RALGPS1: variants seen among roughly 807,000 people sequenced by gnomAD.
RALGPS1 encodes the protein ras-specific guanine nucleotide-releasing factor RalGPS1.
RALGPS1 carries 19 observed loss-of-function variants against 78.8 expected under a neutral mutation model. The ratio of observed to expected loss-of-function variants is 0.24; its 90% CI spans 0.17 to 0.35. RALGPS1 has a LOEUF of 0.35. Among genes scored for constraint, RALGPS1 ranks in the 10% least tolerant of loss-of-function variants. The pLI, the probability that RALGPS1 is intolerant of heterozygous loss-of-function variation, is 1.00. For synonymous variants in RALGPS1, 228 were observed against 256.3 expected (o/e 0.89, Z 1.06); for missense variants, 454 against 688.3 (o/e 0.66, Z 3.81).
chr9:127,040,697 C>T (rs1020710228), intron 5 of RALGPS1, among the ~76,000 whole-genome samples: 1 of 152,024 alleles, frequency 6.6e-6, no homozygotes, highest in Non-Finnish European at 1.5e-5. Flanking sequence ...AGGCCAGGGT[C>T]ATTTGCAGTG....
chr9:127,163,633 T>C (rs1395593761), intron 8 of RALGPS1, among the ~76,000 whole-genome samples: 1 of 152,220 alleles, frequency 6.6e-6, no homozygotes, highest in East Asian at 1.9e-4. Flanking sequence ...GTGTGTACCC[T>C]GGAGGAGGCA....
At position 127,212,889 on chromosome 9, in the gene RALGPS1, T is replaced by C; in HGVS notation, c.1447-55T>C. On this transcript the variant is annotated intron_variant, in intron 16 of 18. Coordinates refer to ENST00000259351, the MANE Select transcript of RALGPS1 (RefSeq NM_014636.3). The surrounding 1 kb of genome is among the most constrained non-coding windows in gnomAD (Gnocchi z 6.0). ...CTTGCCTGGCCCACGTCGGCCTCCC[T>C]TGTGGAGTGGAGGGCTGGGCCCCGG... The C allele has an allele frequency of 6.2e-7, 1 of 1,612,310 alleles. No homozygotes were observed. The highest frequency in any genetic ancestry group is 8.5e-7 in the Non-Finnish European group (1 of 1,179,064).
At chr9:127,078,693 G>A (rs986185054) in intron 8 of RALGPS1, among the ~76,000 whole-genome samples, 2 of 152,188 alleles carry the variant, frequency 1.3e-5, no homozygotes, top group Non-Finnish European at 2.9e-5. Flanking sequence ...TTTTCTCTGG[G>A]TCAAGAAGTT....
At chr9:127,214,631 G>T in intron 17 of RALGPS1, 120 bp from the exon 18 acceptor site, 1 of 1,446,114 alleles carries the variant, frequency 6.9e-7, no homozygotes. Flanking sequence ...GCATGTTCCA[G>T]CTCACCTGGG....
Position 127,183,987 on chromosome 9 carries a change from C to G in RALGPS1, c.910+9205C>G. ...TCCTCACGAGTACCAGCGGCTCCCC[C>G]AGCATCTGCTGCTCCGCGCTCCCCG... On this transcript the variant is annotated intron_variant, in intron 11 of 18. Transcript: ENST00000259351. This position sits in a 1 kb window ranked among gnomAD's most constrained non-coding sequence, Gnocchi z 4.0. 1.3e-6 allele frequency: 2 copies of G among 1,550,344 alleles called. No individual in the cohort carries two copies. The highest frequency in any genetic ancestry group is 2.4e-5 in the East Asian group (1 of 40,882).
intron 3 of RALGPS1, among the ~76,000 whole-genome samples, chr9:126,966,378 C>T (rs945613933): frequency 6.6e-6 from 1 of 151,972 alleles, no homozygotes; most frequent in Non-Finnish European, 1.5e-5. Context: ...AAAAAATTAG[C>T]CAGGTGTGGT....
intron 7 of RALGPS1, among the ~76,000 whole-genome samples, chr9:127,054,996 TGAGAGAGA>T (rs10555826): frequency 0.011 from 1,539 of 139,190 alleles, 12 homozygotes; most frequent in South Asian, 0.025. Flanking sequence ...AGAGATTGAT[TGAGAGAGA>T]GAGAGAGAGA....
At chr9:126,967,751 T>G (rs1564328857) in intron 3 of RALGPS1, among the ~76,000 whole-genome samples, 2 of 152,016 alleles carry the variant, frequency 1.3e-5, no homozygotes, top group Non-Finnish European at 2.9e-5. Flanking sequence ...TTGCTGTGGC[T>G]GGTCTCCAAT....
intron 11 of RALGPS1, among the ~76,000 whole-genome samples, chr9:127,191,008 A>G (rs1199943852): frequency 1.3e-5 from 2 of 151,986 alleles, no homozygotes; most frequent in Non-Finnish European, 2.9e-5. Context: ...GTCTTTCCTT[A>G]TTGTTACTGG....
At chr9:127,195,037 C>G in intron 11 of RALGPS1, 54 bp from the exon 12 acceptor site, 1 of 1,598,838 alleles carries the variant, frequency 6.3e-7, no homozygotes. Context: ...GCCTGTGCAG[C>G]CCCTCACCCT....
chr9:127,191,775 G>A (rs1339437197), intron 11 of RALGPS1, among the ~76,000 whole-genome samples: 1 of 141,694 alleles, frequency 7.1e-6, no homozygotes, highest in African/African-American at 2.6e-5. Context: ...TCGGCTCACT[G>A]CAAGCTCTGC....
chr9:127,180,703 C>T (rs1327132163), intron 11 of RALGPS1, among the ~76,000 whole-genome samples: 1 of 152,218 alleles, frequency 6.6e-6, no homozygotes, highest in Non-Finnish European at 1.5e-5. Context: ...TGCTGAGGCA[C>T]TCACCAGCAT....
At chr9:126,995,349 A>T (rs1368835786) in intron 4 of RALGPS1, among the ~76,000 whole-genome samples, 2 of 152,180 alleles carry the variant, frequency 1.3e-5, no homozygotes, top group African/African-American at 4.8e-5. Context: ...TACCAAGCAA[A>T]TGGAAAACAA....
At chr9:127,075,300 A>G (rs76416539) in intron 8 of RALGPS1, among the ~76,000 whole-genome samples, 8,982 of 152,298 alleles carry the variant, frequency 0.059, 858 homozygotes, top group African/African-American at 0.2. Flanking sequence ...CATCTGACAT[A>G]TACAAGTCAG....
chr9:127,054,628 C>A (rs2048560449), intron 7 of RALGPS1, among the ~76,000 whole-genome samples: 1 of 152,116 alleles, frequency 6.6e-6, no homozygotes, highest in Non-Finnish European at 1.5e-5. Flanking sequence ...GCTTGACAGG[C>A]CCTACTCAAG....
intron 18 of RALGPS1, chr9:127,217,331 G>T: frequency 1.9e-6 from 2 of 1,025,914 alleles, no homozygotes; most frequent in Non-Finnish European, 2.3e-6. Flanking sequence ...ATAAAAAGTT[G>T]ACAACAACTG....
chr9:127,112,125 C>T (rs2054877041), intron 8 of RALGPS1, among the ~76,000 whole-genome samples: 1 of 152,186 alleles, frequency 6.6e-6, no homozygotes, highest in African/African-American at 2.4e-5. Context: ...TGACAAAGCC[C>T]AAGCATGATT....
chr9:127,077,152 G>A lies in RALGPS1; in HGVS notation c.610+7796G>A, dbSNP rs60798299. Among the ~76,000 whole-genome samples, 389 of 152,266 alleles carry A rather than the reference G, an allele frequency of 2.6e-3. 2 individuals carry two copies. Among genetic ancestry groups the A allele is most frequent in the African/African-American group, 8.9e-3 (371 of 41,532 alleles). On this transcript the variant is annotated intron_variant, in intron 8 of 18. Transcript: ENST00000259351. ...AAAGGGTTTTAAGCAAGGGCATGCT[G>A]GGTTGGATTTGCATTGAACACACCT... is the stretch of plus-strand genomic sequence containing the variant.
At chr9:127,108,252 G>A in intron 8 of RALGPS1, 1 of 1,614,038 alleles carries the variant, frequency 6.2e-7, no homozygotes, top group Non-Finnish European at 8.5e-7. Flanking sequence ...TCAGGATCCT[G>A]TTCTCCAGCT....
Sources: allele counts gnomAD v4.1 joint callset (sites outside exome capture counted in the v4.1 genomes callset), GRCh38; gene constraint gnomAD v4.1.1; non-coding constraint Gnocchi (gnomAD v3.1); transcripts MANE v1.5; gene names NCBI Gene and HGNC (gene_info 2026-07-23, HGNC 2026-07-21).